The following COL26A1 variants were observed in gnomAD, a reference collection of about 807,000 sequenced individuals.
COL26A1 encodes collagen type XXVI alpha 1 chain.
A neutral mutation model predicts 59.3 loss-of-function variants in COL26A1; 41 were observed. The observed-to-expected ratio is 0.69, with a 90% CI of 0.54 to 0.90. COL26A1 has a LOEUF of 0.90. Ranked by LOEUF, COL26A1 falls within the 40% of genes least tolerant of loss-of-function variation. The pLI, the probability that COL26A1 is intolerant of heterozygous loss-of-function variation, is 0.00. For missense variants in COL26A1, 612 were observed against 602.3 expected, an observed-to-expected ratio of 1.02 and a Z score of -0.17; for synonymous variants, 266 against 256.0, an observed-to-expected ratio of 1.04 and a Z score of -0.37.
chr7:101,444,803 G>C (rs1020245823), intron 2 of COL26A1, among the ~76,000 whole-genome samples: 3 of 152,022 alleles, frequency 2.0e-5, no homozygotes, highest in African/African-American at 7.2e-5. Context: ...TTGTACAATG[G>C]CAGAGCTAGA....
chr7:101,523,974 A>C (rs1008291186), intron 3 of COL26A1, among the ~76,000 whole-genome samples: 2 of 152,042 alleles, frequency 1.3e-5, no homozygotes, highest in Non-Finnish European at 2.9e-5. Flanking sequence ...TTTATTTTCA[A>C]AAACAACAAT....
intron 3 of COL26A1, among the ~76,000 whole-genome samples, chr7:101,464,502 C>G (rs956013128): frequency 6.6e-6 from 1 of 151,926 alleles, no homozygotes; most frequent in Non-Finnish European, 1.5e-5. Context: ...AACTCTGCCT[C>G]CCGGGTTCAA....
intron 3 of COL26A1, among the ~76,000 whole-genome samples, chr7:101,482,215 C>G (rs542790393): frequency 3.2e-4 from 48 of 152,112 alleles, no homozygotes; most frequent in African/African-American, 1.2e-3. Flanking sequence ...GCCATGCTGG[C>G]CAGGCTGGTC....
intron 2 of COL26A1, among the ~76,000 whole-genome samples, chr7:101,441,642 C>A (rs975762321): frequency 2.0e-5 from 3 of 152,168 alleles, no homozygotes; most frequent in African/African-American, 7.2e-5. Flanking sequence ...TTATTGTTCT[C>A]ATGACCATCT....
intron 1 of COL26A1, among the ~76,000 whole-genome samples, chr7:101,413,847 G>A (rs773598804): frequency 4.9e-4 from 75 of 152,178 alleles, no homozygotes; most frequent in Non-Finnish European, 9.4e-4. Flanking sequence ...CAGGAGGGTC[G>A]TGAAAGGGAC....
intron 3 of COL26A1, among the ~76,000 whole-genome samples, chr7:101,517,163 A>G (rs920067292): frequency 6.6e-5 from 10 of 151,988 alleles, no homozygotes; most frequent in African/African-American, 2.4e-4. Flanking sequence ...TCACTGCCCT[A>G]GGGAAGCTGA....
In COL26A1 at chr7:101,426,684, C is replaced by CA. The variant is rs550460443; in HGVS notation, c.281+6587dup. On this transcript the variant is annotated intron_variant, in intron 2 of 12. Transcript: ENST00000313669. ...AGATGGTGGTGATAGAAGGCTGCCT[C>CA]AAGAGGTTCTTGGAAGGGGATGTGA... Among the ~76,000 whole-genome samples the CA allele has an allele frequency of 8.5e-4, 130 of 152,276 alleles. 1 individual carries two copies. Among genetic ancestry groups the CA allele is most frequent in the Non-Finnish European group, 1.6e-3 (107 of 68,020 alleles).
At chr7:101,449,689 A>T (rs1049941568) in intron 3 of COL26A1, among the ~76,000 whole-genome samples, 1 of 152,068 alleles carries the variant, frequency 6.6e-6, no homozygotes. Flanking sequence ...AGGATCACTG[A>T]TGTATGTGTG....
At chr7:101,489,777 T>C (rs1314402449) in intron 3 of COL26A1, among the ~76,000 whole-genome samples, 3 of 2,472 alleles carry the variant, frequency 1.2e-3, no homozygotes. Context: ...TTTCTTTCTT[T>C]CTTTCTTTCT....
chr7:101,553,515 C>T, intron 11 of COL26A1, 139 bp downstream of exon 11: 2 of 714,184 alleles, frequency 2.8e-6, no homozygotes, highest in South Asian at 1.8e-5. Flanking sequence ...GTACAGGGCC[C>T]CTGCCCTGAG....
chr7:101,385,367 G>GTATATATATATATATATATATATA lies in COL26A1; in HGVS notation c.158+22196_158+22197insATATATATATATATATATATATAT, dbSNP rs373941775. ...TATATATATGTGTATATATATGTGT[G>GTATATATATATATATATATATATA]TATATATATATATATATATTTGTGA... On this transcript the variant is annotated intron_variant, in intron 1 of 12. Coordinates refer to ENST00000313669, the MANE Select transcript of COL26A1 (RefSeq NM_001278563.3). 7.5e-3 allele frequency among the ~76,000 whole-genome samples: 1,022 copies of GTATATATATATATATATATATATA among 136,820 alleles called. 13 individuals carry two copies. Among genetic ancestry groups the GTATATATATATATATATATATATA allele is most frequent in the Non-Finnish European group, 0.012 (726 of 61,132 alleles). The allele number at this position is 136,820 out of a possible 152,430, so 89.8% of individuals were successfully genotyped here. A position where few individuals can be genotyped will look rare whatever the true frequency, so the allele number is the denominator to read the frequency against.
chr7:101,378,367 T>G (rs1791367257), intron 1 of COL26A1, among the ~76,000 whole-genome samples: 1 of 152,178 alleles, frequency 6.6e-6, no homozygotes, highest in Non-Finnish European at 1.5e-5. Context: ...TAACCCATTC[T>G]TCCTTGCTAA....
At chr7:101,463,754 C>T (rs544346604) in intron 3 of COL26A1, among the ~76,000 whole-genome samples, 3 of 55,376 alleles carry the variant, frequency 5.4e-5, no homozygotes, top group African/African-American at 1.0e-4. Context: ...TCCTTCCTCC[C>T]TTCCCCTTTT....
chr7:101,439,553 G>GAAAAAAAAAAAAGA (rs1792999232), intron 2 of COL26A1, among the ~76,000 whole-genome samples: 1 of 81,936 alleles, frequency 1.2e-5, no homozygotes, highest in Non-Finnish European at 2.4e-5. Flanking sequence ...GACTCCGTCT[G>GAAAAAAAAAAAAGA]AAAAAAAAAA....
intron 1 of COL26A1, among the ~76,000 whole-genome samples, chr7:101,406,276 G>A (rs560123550): frequency 1.2e-4 from 18 of 152,168 alleles, no homozygotes; most frequent in Non-Finnish European, 1.9e-4. Context: ...AACGCAGGCA[G>A]GTCTATCTGC....
At chr7:101,414,403 T>TCTCG (rs956473627) in intron 1 of COL26A1, among the ~76,000 whole-genome samples, 19 of 149,062 alleles carry the variant, frequency 1.3e-4, no homozygotes, top group African/African-American at 1.5e-4. Flanking sequence ...TCTCTCTCTC[T>TCTCG]CTCGCTCGCT....
chr7:101,374,419 G>T (rs7784773), intron 1 of COL26A1, among the ~76,000 whole-genome samples: 6,998 of 152,248 alleles, frequency 0.046, 177 homozygotes, highest in East Asian at 0.086. Flanking sequence ...TCAAGGAACC[G>T]GGCCGCACAG....
chr7:101,517,809 T>C (rs1795062461), intron 3 of COL26A1, among the ~76,000 whole-genome samples: 1 of 78,596 alleles, frequency 1.3e-5, no homozygotes, highest in Non-Finnish European at 2.4e-5. Flanking sequence ...TTTTTTTTTT[T>C]TTTTTTTTTT....
chr7:101,491,081 CA>C (rs796084205), intron 3 of COL26A1, among the ~76,000 whole-genome samples: 139 of 135,798 alleles, frequency 1.0e-3, no homozygotes, highest in Middle Eastern at 3.8e-3. Context: ...ATGTGTGAGG[CA>C]AAAAAAAAAA....
Sources: gnomAD v4.1 joint callset for allele counts (sites outside exome capture counted in the v4.1 genomes callset) on GRCh38, gnomAD v4.1.1 for gene constraint, MANE v1.5 for transcripts, NCBI Gene and HGNC (gene_info 2026-07-23, HGNC 2026-07-21) for gene names.